The following GULP1 variants were observed in gnomAD, a reference collection of about 807,000 sequenced individuals.
The protein encoded by GULP1 is PTB domain-containing engulfment adapter protein 1.
A neutral mutation model predicts 40.9 loss-of-function variants in GULP1; 19 were observed. The observed-to-expected ratio is 0.46, with a 90% CI of 0.32 to 0.68. GULP1 has a LOEUF of 0.68. GULP1 is among the 30% of genes least tolerant of loss of function. GULP1 has a pLI of 0.03. For missense variants in GULP1, 312 were observed against 362.2 expected, an observed-to-expected ratio of 0.86 and a Z score of 1.12; for synonymous variants, 119 against 117.6, an observed-to-expected ratio of 1.01 and a Z score of -0.08.
intron 1 of GULP1, among the ~76,000 whole-genome samples, chr2:188,373,794 G>A (rs964660810): frequency 1.3e-5 from 2 of 151,918 alleles, no homozygotes; most frequent in Non-Finnish European, 2.9e-5. Context: ...TGCTTGCGGT[G>A]TAAAATATGT....
At chr2:188,511,851 A>G (rs1417702572) in intron 4 of GULP1, among the ~76,000 whole-genome samples, 1 of 152,108 alleles carries the variant, frequency 6.6e-6, no homozygotes, top group African/African-American at 2.4e-5. Context: ...TTCTATCAAA[A>G]CTTCCTTGTC....
intron 2 of GULP1, among the ~76,000 whole-genome samples, chr2:188,403,999 C>G (rs2052688228): frequency 6.6e-6 from 1 of 152,106 alleles, no homozygotes; most frequent in Non-Finnish European, 1.5e-5. Context: ...TTCAGTGTGT[C>G]TCACCATTCC....
rs560419960 is a variant in GULP1 at position 188,432,043 on chromosome 2, C to A, written c.-44-45616C>A. Among the ~76,000 whole-genome samples, 8 of 151,032 alleles carry A rather than the reference C, an allele frequency of 5.3e-5. No homozygotes were observed. In the South Asian group the frequency reaches 1.7e-3, roughly 32 times the overall value. On this transcript the variant is annotated intron_variant, in intron 2 of 11. Transcript: ENST00000409830. ...CTTGATATACAGAATTATATAGGAA[C>A]TAGAATTTTTATACTTAGTAACCTT...
At chr2:188,323,651 TGTGTGTGTG>T (rs1402798362) in intron 1 of GULP1, among the ~76,000 whole-genome samples, 13 of 324 alleles carry the variant, frequency 0.04, no homozygotes, top group African/African-American at 0.097. Context: ...TCTGAAGATA[TGTGTGTGTG>T]TGTGTGTGTG....
At chr2:188,584,502 A>T in intron 10 of GULP1, 99 bp downstream of exon 10, 1 of 501,970 alleles carries the variant, frequency 2.0e-6, no homozygotes, top group Non-Finnish European at 3.4e-6. Context: ...TAACAACCTT[A>T]CTTACAATTT....
In GULP1 at chr2:188,385,095, G is replaced by T. The variant is rs1383266788; in HGVS notation, c.-45+1206G>T. ...GGTGCCCCAGTAGGGACTCTGTGTG[G>T]GGGCTCTGACCCCACATTTGCCTTC... is the stretch of plus-strand genomic sequence containing the variant. On this transcript the variant is annotated intron_variant, in intron 2 of 11. Transcript: ENST00000409830. Among the ~76,000 whole-genome samples the T allele has an allele frequency of 1.3e-5, 2 of 152,148 alleles. 1 individual carries two copies. Among genetic ancestry groups the T allele is most frequent in the Admixed American group, 1.3e-4 (2 of 15,284 alleles).
intron 7 of GULP1, among the ~76,000 whole-genome samples, chr2:188,542,354 G>A (rs1015517473): frequency 9.9e-5 from 15 of 152,010 alleles, no homozygotes; most frequent in Non-Finnish European, 8.8e-5. Context: ...TATTATCACT[G>A]TTATGTCATT....
intron 6 of GULP1, among the ~76,000 whole-genome samples, chr2:188,536,488 G>A (rs1171976706): frequency 1.3e-5 from 2 of 152,100 alleles, no homozygotes; most frequent in Non-Finnish European, 2.9e-5. Context: ...TCAAAGATCA[G>A]ATGGCTGTAG....
At chr2:188,563,612 G>T (rs1057331639) in intron 7 of GULP1, among the ~76,000 whole-genome samples, 1 of 149,764 alleles carries the variant, frequency 6.7e-6, no homozygotes, top group Non-Finnish European at 1.5e-5. Context: ...CACATATTTG[G>T]AATTAAATAT....
At chr2:188,373,331 T>A (rs553222675) in intron 1 of GULP1, among the ~76,000 whole-genome samples, 98 of 151,972 alleles carry the variant, frequency 6.4e-4, no homozygotes, top group Admixed American at 1.3e-3. Context: ...AAGATAAACT[T>A]TTATTTATTT....
intron 2 of GULP1, among the ~76,000 whole-genome samples, chr2:188,460,627 T>A (rs538973658): frequency 3.5e-4 from 54 of 152,298 alleles, no homozygotes; most frequent in South Asian, 2.7e-3. Context: ...CCTTTCCAAT[T>A]TGGCTGCCCT....
intron 7 of GULP1, among the ~76,000 whole-genome samples, chr2:188,556,528 C>A (rs546114336): frequency 1.3e-5 from 2 of 152,054 alleles, no homozygotes; most frequent in East Asian, 3.9e-4. Flanking sequence ...AATTCTTTAT[C>A]TGGGATTTTG....
chr2:188,459,936 G>T (rs902707276), intron 2 of GULP1, among the ~76,000 whole-genome samples: 2 of 151,990 alleles, frequency 1.3e-5, no homozygotes, highest in African/African-American at 4.8e-5. Context: ...CGCCTTTATA[G>T]AAAGTGTGTT....
At chr2:188,589,050 C>T (rs1222217336) in intron 11 of GULP1, 1 of 152,028 alleles carries the variant, frequency 6.6e-6, no homozygotes, top group Non-Finnish European at 1.5e-5. Flanking sequence ...GATTCTTAAT[C>T]CCCTTTTACA....
Position 188,550,565 on chromosome 2 carries a change from G to A in GULP1, c.399+9247G>A, listed in dbSNP as rs562225935. Among the ~76,000 whole-genome samples the A allele has an allele frequency of 2.0e-5, 3 of 151,676 alleles. No individual in the cohort carries two copies. In the East Asian group the frequency reaches 5.8e-4, roughly 29 times the overall value. ...ATTTTTTAATGATGTGAAAGGAACT[G>A]TAAAATAAGGCAAAGTTTAAAACTT... On this transcript the variant is annotated intron_variant, in intron 7 of 11. Transcript: ENST00000409830.
chr2:188,511,562 A>G (rs540933421), intron 4 of GULP1, among the ~76,000 whole-genome samples: 3 of 152,298 alleles, frequency 2.0e-5, no homozygotes, highest in East Asian at 3.9e-4. Context: ...CACAGGCAGG[A>G]CAAAAACTCG....
chr2:188,369,246 C>T (rs2047276756), intron 1 of GULP1, among the ~76,000 whole-genome samples: 3 of 151,702 alleles, frequency 2.0e-5, no homozygotes, highest in Admixed American at 6.6e-5. Flanking sequence ...CAGGTGTGAG[C>T]CACCATGCCT....
intron 1 of GULP1, among the ~76,000 whole-genome samples, chr2:188,293,548 G>A (rs1413818497): frequency 1.3e-5 from 2 of 152,180 alleles, no homozygotes; most frequent in African/African-American, 2.4e-5. Context: ...ACTTTCAGAG[G>A]AATTGGAAAT....
Position 188,541,173 on chromosome 2 carries a change from G to C in GULP1, c.262-8G>C, listed in dbSNP as rs774695101. ...ATCAACTATGTTTATTTCCATCTGT[G>C]TTCACAGGAAGTTCAACACAATTGC... On this transcript the variant is annotated splice_polypyrimidine_tract_variant and splice_region_variant and intron_variant, in intron 6 of 11. Coordinates refer to ENST00000409830, the MANE Select transcript of GULP1 (RefSeq NM_016315.4). The C allele has an allele frequency of 6.8e-6, 11 of 1,610,898 alleles. No homozygotes were observed. The Admixed American group carries it at 1.7e-4, about 24-fold the overall frequency.
Sources: gnomAD v4.1 joint callset for allele counts (sites outside exome capture counted in the v4.1 genomes callset) on GRCh38, gnomAD v4.1.1 for gene constraint, MANE v1.5 for transcripts, NCBI Gene and HGNC (gene_info 2026-07-23, HGNC 2026-07-21) for gene names.